KAT14: variants seen among roughly 807,000 people sequenced by gnomAD.
KAT14 encodes the protein lysine acetyltransferase 14.
Under a neutral mutation model 78.4 loss-of-function variants are expected in KAT14, and 66 were observed. That is an observed-to-expected ratio of 0.84 (90% CI 0.69 to 1.03). The LOEUF is 1.03. KAT14 is among the 50% of genes least tolerant of loss of function. The pLI, the probability that KAT14 is intolerant of heterozygous loss-of-function variation, is 0.00. For missense variants in KAT14, 870 were observed against 972.5 expected, an observed-to-expected ratio of 0.89 and a Z score of 1.40; for synonymous variants, 344 against 359.4, an observed-to-expected ratio of 0.96 and a Z score of 0.48.
Position 18,182,020 on chromosome 20 carries a change from A to G in KAT14, c.1805+174A>G, listed in dbSNP as rs574925442. Among the ~76,000 whole-genome samples, 6 of 152,308 alleles carry G rather than the reference A, an allele frequency of 3.9e-5. No individual in the cohort carries two copies. The East Asian group carries it at 5.8e-4, about 15-fold the overall frequency. On this transcript the variant is annotated intron_variant, in intron 8 of 10. Coordinates refer to ENST00000688188, the MANE Select transcript of KAT14 (RefSeq NM_001392073.1). ...TTTGTCCTTTGCTTGTTTCAACTCT[A>G]CTTTTTTGCAGAGAACATGGTCCTT...
intron 2 of KAT14, 45 bp from the exon 3 acceptor site, chr20:18,145,188 C>T (rs2037780267): frequency 1.2e-6 from 2 of 1,600,208 alleles, no homozygotes; most frequent in East Asian, 4.5e-5. Flanking sequence ...TAGGTTACCG[C>T]TGCTCTAGAT....
At position 18,137,883 on chromosome 20, in the gene KAT14, G is replaced by A; in HGVS notation, c.-622G>A. 7.2e-7 allele frequency: 1 copy of A among 1,394,458 alleles called. No individual in the cohort carries two copies. The highest frequency in any genetic ancestry group is 9.3e-7 in the Non-Finnish European group (1 of 1,070,490). 86.4% of individuals were successfully genotyped at this position (1,394,458 alleles called of 1,614,324 possible). ...GGGTCGAGCCTGGGCAGTACAGGCG[G>A]CGGTGCGCACTCTGCGGCGGCCTCT... is the stretch of plus-strand genomic sequence containing the variant. On this transcript the variant is annotated 5_prime_UTR_variant, in exon 1 of 11. Transcript: ENST00000688188.
Position 18,181,692 on chromosome 20 carries a change from A to G in KAT14, c.1669-18A>G. 1 of 1,613,940 alleles carries G rather than the reference A, an allele frequency of 6.2e-7. No homozygotes were observed. The highest frequency in any genetic ancestry group is 1.1e-5 in the South Asian group (1 of 91,072). ...CCTGAGTAATTATTTCTATATAACC[A>G]GTGTTTCTTTCTCATAGACTTCCTT... On this transcript the variant is annotated intron_variant, in intron 7 of 10. Transcript: ENST00000688188.
chr20:18,170,833 G>A (rs528287194), intron 7 of KAT14, among the ~76,000 whole-genome samples: 3 of 152,260 alleles, frequency 2.0e-5, no homozygotes, highest in East Asian at 1.9e-4. Context: ...CACCGTGCCC[G>A]GCCTGAAAAA....
chr20:18,154,233 T>C (rs2038144446), intron 4 of KAT14, among the ~76,000 whole-genome samples: 1 of 152,190 alleles, frequency 6.6e-6, no homozygotes, highest in Admixed American at 6.5e-5. Flanking sequence ...GTAAAGAGCA[T>C]TTATATTTAA....
At chr20:18,151,892 A>G (rs1280411836) in intron 4 of KAT14, among the ~76,000 whole-genome samples, 1 of 151,336 alleles carries the variant, frequency 6.6e-6, no homozygotes, top group East Asian at 2.0e-4. Flanking sequence ...AATCCCAGCT[A>G]CTGAGGAGGC....
chr20:18,184,914 C>T (rs1258752420), intron 10 of KAT14, 122 bp downstream of exon 10: 4 of 1,080,666 alleles, frequency 3.7e-6, no homozygotes, highest in Non-Finnish European at 5.0e-6. Context: ...CCTTGTAAAC[C>T]AAGTGAAGAA....
intron 1 of KAT14, 29 bp downstream of exon 1, chr20:18,138,080 G>T (rs773896508): frequency 6.9e-7 from 1 of 1,443,714 alleles, no homozygotes; most frequent in Non-Finnish European, 9.1e-7. Context: ...TCTCTTCCGG[G>T]CCCGCGCGCG....
chr20:18,177,862 A>G (rs755131532), intron 7 of KAT14, among the ~76,000 whole-genome samples: 1 of 152,202 alleles, frequency 6.6e-6, no homozygotes, highest in Non-Finnish European at 1.5e-5. Flanking sequence ...GAAGAACAAC[A>G]TATTTCCAGT....
intron 3 of KAT14, among the ~76,000 whole-genome samples, 200 bp downstream of exon 3, chr20:18,145,551 C>T (rs985492735): frequency 2.0e-5 from 3 of 152,152 alleles, no homozygotes; most frequent in African/African-American, 4.8e-5. Flanking sequence ...GAGGCCAAGG[C>T]GGGCAGATCA....
intron 4 of KAT14, among the ~76,000 whole-genome samples, chr20:18,154,830 A>G (rs1186467595): frequency 6.6e-6 from 1 of 152,214 alleles, no homozygotes; most frequent in Non-Finnish European, 1.5e-5. Flanking sequence ...CGTATCTTAA[A>G]ATCAGTAAAA....
chr20:18,144,548 C>G lies in KAT14; in HGVS notation c.260-685C>G, dbSNP rs556495617. Among the ~76,000 whole-genome samples the G allele has an allele frequency of 5.9e-5, 9 of 152,306 alleles. No homozygotes were observed. In the South Asian group the frequency reaches 1.9e-3, roughly 32 times the overall value. On this transcript the variant is annotated intron_variant, in intron 2 of 10. Coordinates refer to ENST00000688188, the MANE Select transcript of KAT14 (RefSeq NM_001392073.1). ...CCAATTTCTAATCCTAAGCCTCCCC[C>G]TAATATAGGTTGGGCCTCCTTTTAT... is the stretch of plus-strand genomic sequence containing the variant.
intron 2 of KAT14, chr20:18,143,140 G>T: frequency 7.9e-7 from 1 of 1,272,440 alleles, no homozygotes; most frequent in Non-Finnish European, 9.9e-7. Flanking sequence ...ACTTTTGGTG[G>T]TAACTCAATA....
At chr20:18,138,878 C>T (rs899125309) in intron 1 of KAT14, among the ~76,000 whole-genome samples, 1 of 152,218 alleles carries the variant, frequency 6.6e-6, no homozygotes, top group African/African-American at 2.4e-5. Flanking sequence ...AAACTCCACT[C>T]TTCCAGAGTC....
intron 7 of KAT14, among the ~76,000 whole-genome samples, chr20:18,172,503 G>A (rs1439457836): frequency 1.3e-5 from 2 of 151,686 alleles, no homozygotes; most frequent in Non-Finnish European, 2.9e-5. Flanking sequence ...CTGGGCTCAT[G>A]CAGTCCTCCC....
At chr20:18,147,490 G>A (rs1166082012) in intron 3 of KAT14, among the ~76,000 whole-genome samples, 2 of 152,160 alleles carry the variant, frequency 1.3e-5, no homozygotes, top group Non-Finnish European at 2.9e-5. Flanking sequence ...GTTTTCTGTA[G>A]TGGTTCTTTT....
At chr20:18,143,468 TTTC>T (rs985459517) in intron 2 of KAT14, among the ~76,000 whole-genome samples, 1 of 150,256 alleles carries the variant, frequency 6.7e-6, no homozygotes, top group Non-Finnish European at 1.5e-5. Context: ...TTTTCTTTTC[TTTC>T]TTTTTTTTTT....
chr20:18,156,133 TCA>T (rs998136650), intron 4 of KAT14, among the ~76,000 whole-genome samples: 2 of 152,124 alleles, frequency 1.3e-5, no homozygotes, highest in Admixed American at 1.3e-4. Flanking sequence ...AACAAACCAA[TCA>T]CAAGAAAACA....
chr20:18,176,299 T>C (rs1227926724), intron 7 of KAT14, among the ~76,000 whole-genome samples: 1 of 22,326 alleles, frequency 4.5e-5, no homozygotes, highest in Admixed American at 4.3e-4. Flanking sequence ...AGACTTCGTC[T>C]CAAAAAAAAA....
Sources: allele counts gnomAD v4.1 joint callset (sites outside exome capture counted in the v4.1 genomes callset), GRCh38; gene constraint gnomAD v4.1.1; transcripts MANE v1.5; gene names NCBI Gene and HGNC (gene_info 2026-07-23, HGNC 2026-07-21).